Variants in PCDH15 observed in about 807,000 individuals in gnomAD.
The protein encoded by PCDH15 is protocadherin-15.
Under a neutral mutation model 178.5 loss-of-function variants are expected in PCDH15, and 129 were observed. That is an observed-to-expected ratio of 0.72 (90% confidence interval 0.63 to 0.84). The LOEUF (loss-of-function observed/expected upper bound fraction) is 0.84. PCDH15 is among the 40% of genes least tolerant of loss of function. PCDH15 has a pLI of 0.00. For synonymous variants in PCDH15, 800 were observed against 732.0 expected (o/e 1.09, Z -1.50); for missense variants, 2,230 against 2,099.9 (o/e 1.06, Z -1.21).
chr10:55,342,468 T>G (rs1588934987), intron 2 of PCDH15, among the ~76,000 whole-genome samples: 1 of 152,028 alleles, frequency 6.6e-6, no homozygotes, highest in Non-Finnish European at 1.5e-5. Flanking sequence ...TTTATTTATT[T>G]ATTTTTTAGT....
chr10:55,341,803 ATATTTTTTTTTTTTTTT>A (rs1422718117), intron 2 of PCDH15, among the ~76,000 whole-genome samples: 21 of 11,330 alleles, frequency 1.9e-3, no homozygotes, highest in Admixed American at 9.4e-3. Context: ...ATATATATAT[ATATTTTTTTTTTTTTTT>A]TTTTTTTTTT....
intron 3 of PCDH15, among the ~76,000 whole-genome samples, chr10:54,462,183 A>C (rs2077204711): frequency 6.6e-6 from 1 of 152,090 alleles, no homozygotes; most frequent in Non-Finnish European, 1.5e-5. Flanking sequence ...AAATGTGCGT[A>C]ATAATTTTTG....
chr10:54,111,972 C>CAAAAAAAAA (rs369333708), intron 15 of PCDH15, among the ~76,000 whole-genome samples: 3 of 97,570 alleles, frequency 3.1e-5, no homozygotes, highest in Non-Finnish European at 6.1e-5. Context: ...ACCAAAAATA[C>CAAAAAAAAA]AAAAAAAAAA....
intron 2 of PCDH15, among the ~76,000 whole-genome samples, chr10:55,384,958 A>G (rs1565083431): frequency 6.6e-6 from 1 of 152,162 alleles, no homozygotes; most frequent in Non-Finnish European, 1.5e-5. Flanking sequence ...TAGGTATATC[A>G]CGAACATGTC....
intron 2 of PCDH15, among the ~76,000 whole-genome samples, chr10:55,020,120 T>TTA (rs368939164): frequency 2.7e-3 from 400 of 147,254 alleles, no homozygotes; most frequent in African/African-American, 6.4e-3. Flanking sequence ...ATATGTATAA[T>TTA]TATATATATA....
At chr10:55,468,523 T>G (rs1043078566) in intron 2 of PCDH15, 3 of 152,166 alleles carry the variant, frequency 2.0e-5, no homozygotes, top group African/African-American at 7.2e-5. Flanking sequence ...GAAACATAGA[T>G]TATAGAACTT....
At chr10:53,874,772 TTAAA>T (rs1388904902) in intron 26 of PCDH15, among the ~76,000 whole-genome samples, 1 of 152,118 alleles carries the variant, frequency 6.6e-6, no homozygotes, top group Non-Finnish European at 1.5e-5. Flanking sequence ...AACATAGACT[TTAAA>T]TATTTGAATT....
intron 3 of PCDH15, among the ~76,000 whole-genome samples, chr10:54,508,697 G>A (rs1045319453): frequency 6.6e-6 from 1 of 152,142 alleles, no homozygotes; most frequent in Non-Finnish European, 1.5e-5. Context: ...GACATAAAGA[G>A]TGTTTGAAGC....
At chr10:54,589,565 G>A (rs2133913823) in intron 2 of PCDH15, among the ~76,000 whole-genome samples, 1 of 152,116 alleles carries the variant, frequency 6.6e-6, no homozygotes, top group Admixed American at 6.5e-5. Flanking sequence ...TCTATCAATG[G>A]CATGTAGACT....
chr10:55,324,461 G>A (rs185175169), upstream of PCDH15, among the ~76,000 whole-genome samples: 4 of 151,982 alleles, frequency 2.6e-5, no homozygotes, highest in South Asian at 2.1e-4. Flanking sequence ...ATTCAAAACC[G>A]ACTTTAAATC....
intron 2 of PCDH15, among the ~76,000 whole-genome samples, chr10:54,993,196 A>T (rs1839547604): frequency 2.0e-5 from 3 of 152,316 alleles, no homozygotes; most frequent in Middle Eastern, 6.8e-3. Flanking sequence ...GAAATAGAAG[A>T]ATTCAAAGAA....
rs576992672 is a variant in PCDH15, at chr10:55,475,656, T to A, written c.-156+151969A>T. Among the ~76,000 whole-genome samples the A allele has an allele frequency of 1.7e-4, 26 of 152,228 alleles. No homozygotes were observed. In the East Asian group the frequency reaches 4.8e-3, roughly 28 times the overall value. On this transcript the variant is annotated intron_variant, in intron 2 of 5. Transcript: ENST00000613346. ...TTACTTTCAGGCTGTGTATAAAAGG[T>A]GTAAGTGAAGGATAAATGAATTTCG...
intron 2 of PCDH15, among the ~76,000 whole-genome samples, chr10:55,152,795 A>C (rs2132103273): frequency 6.6e-6 from 1 of 152,304 alleles, no homozygotes; most frequent in African/African-American, 2.4e-5. Flanking sequence ...ATAGAAAAAT[A>C]ATTGTAATAT....
chr10:55,374,122 T>TAATAAA (rs1845567738), intron 2 of PCDH15, among the ~76,000 whole-genome samples: 1 of 139,806 alleles, frequency 7.2e-6, no homozygotes, highest in Non-Finnish European at 1.6e-5. Context: ...ATAATAATAA[T>TAATAAA]AAAAGAATGG....
intron 3 of PCDH15, among the ~76,000 whole-genome samples, chr10:54,443,750 G>C (rs1158138278): frequency 1.3e-5 from 2 of 151,538 alleles, no homozygotes; most frequent in Non-Finnish European, 3.0e-5. Context: ...TGTTCTAGTG[G>C]ATTACTGTCT....
Position 54,236,807 on chromosome 10 carries a change from G to A in PCDH15, c.985+16C>T, listed in dbSNP as rs1251493714. Reference sequence around the variant, plus strand: ...TCTAGAATAACTGATAGTGTAAAATGTTATCAGATACAAACCAACAAGGAT... The same window carrying A: ...TCTAGAATAACTGATAGTGTAAAATATTATCAGATACAAACCAACAAGGAT... On this transcript the variant is annotated intron_variant, in intron 9 of 37. Transcript: ENST00000644397. The A allele has an allele frequency of 1.3e-6, 2 of 1,567,438 alleles. No homozygotes were observed. The highest frequency in any genetic ancestry group is 2.7e-5 in the African/African-American group (2 of 73,820).
intron 2 of PCDH15, among the ~76,000 whole-genome samples, chr10:55,589,331 G>C (rs576403073): frequency 4.6e-5 from 7 of 152,172 alleles, no homozygotes; most frequent in Non-Finnish European, 2.9e-5. Context: ...CCCATTGCTT[G>C]TTTTTCTCAG....
chr10:54,106,619 T>TA (rs1021046432), intron 15 of PCDH15, among the ~76,000 whole-genome samples: 6 of 152,236 alleles, frequency 3.9e-5, no homozygotes, highest in African/African-American at 1.4e-4. Flanking sequence ...ATAACGAGCA[T>TA]AAAAAACAGA....
At chr10:55,322,497 G>C (rs1843925232), upstream of PCDH15, among the ~76,000 whole-genome samples, 1 of 152,112 alleles carries the variant, frequency 6.6e-6, no homozygotes, top group Non-Finnish European at 1.5e-5. Context: ...GAAAAATGTG[G>C]GAATGTTTAG....
Sources: allele counts gnomAD v4.1 joint callset (sites outside exome capture counted in the v4.1 genomes callset), GRCh38; gene constraint gnomAD v4.1.1; transcripts MANE v1.5; gene names NCBI Gene and HGNC (gene_info 2026-07-23, HGNC 2026-07-21).